NRDE2: variants seen among roughly 807,000 people sequenced by gnomAD.
NRDE2 encodes nuclear exosome regulator NRDE2.
In NRDE2, 76 loss-of-function variants were observed where a neutral mutation model predicts 124.2. The observed-to-expected ratio is 0.61, with a 90% CI of 0.51 to 0.74. The LOEUF is 0.74. Among genes scored for constraint, NRDE2 ranks in the 30% least tolerant of loss-of-function variants. NRDE2 has a pLI of 0.00. For missense variants in NRDE2, 1,314 were observed against 1,417.3 expected, an observed-to-expected ratio of 0.93 and a Z score of 1.17; for synonymous variants, 489 against 528.1, an observed-to-expected ratio of 0.93 and a Z score of 1.01.
chr14:90,298,513 A>G, intron 7 of NRDE2, 133 bp from the exon 8 acceptor site: 1 of 909,098 alleles, frequency 1.1e-6, no homozygotes, highest in Non-Finnish European at 1.7e-6. Flanking sequence ...TCTTTGAAGT[A>G]GATACATGCT....
At chr14:90,302,223 C>T (rs912846890) in intron 6 of NRDE2, among the ~76,000 whole-genome samples, 2 of 152,220 alleles carry the variant, frequency 1.3e-5, no homozygotes, top group Non-Finnish European at 2.9e-5. Context: ...GTGATACTCT[C>T]TGGCTCTGCA....
rs1460754634 is a variant in NRDE2, at chr14:90,273,015, C to T, written c.*5321G>A. 1 of 152,154 alleles carries T rather than the reference C, an allele frequency of 6.6e-6. No homozygotes were observed. Among genetic ancestry groups the T allele is most frequent in the Non-Finnish European group, 1.5e-5 (1 of 68,030 alleles). The allele number at this position is 152,154 out of a possible 1,614,324, so 9.4% of individuals were successfully genotyped here. A position where few individuals can be genotyped will look rare whatever the true frequency, so the allele number is the denominator to read the frequency against. On this transcript the variant is annotated 3_prime_UTR_variant, in exon 14 of 14. Coordinates refer to ENST00000354366, the MANE Select transcript of NRDE2 (RefSeq NM_017970.4). ...GATATCTTGAAAGCCCTTCTGAGCC[C>T]TTGGGCTCAGAAATCTCATCCCTTT...
rs766273350 is a variant in NRDE2 at position 90,304,203 on chromosome 14, G to A, written c.737C>T (p.Pro246Leu). Residue 246 changes from proline to leucine, a missense_variant, in exon 5 of 14, where the codon CCC becomes CTC. Coordinates refer to ENST00000354366, the MANE Select transcript of NRDE2 (RefSeq NM_017970.4). ...TATAAAGGAGATGGGCTCAGATGAG[G>A]GAGGTTCAGTTTTACTGCTAATGGC... ...GVAISSKTEP[P>L]SSEPISFIPV... 2 of 1,614,182 alleles carry A rather than the reference G, an allele frequency of 1.2e-6. No homozygotes were observed. The highest frequency in any genetic ancestry group is 1.7e-6 in the Non-Finnish European group (2 of 1,180,042).
rs1215774165 is a variant in NRDE2, at chr14:90,271,242, C to G, written c.*7094G>C. The G allele has an allele frequency of 6.6e-6, 1 of 152,220 alleles. No individual in the cohort carries two copies. The highest frequency in any genetic ancestry group is 1.9e-4 in the East Asian group (1 of 5,200). The allele number at this position is 152,220 out of a possible 1,614,324, so 9.4% of individuals were successfully genotyped here. On this transcript the variant is annotated 3_prime_UTR_variant, in exon 14 of 14. Transcript: ENST00000354366. ...CTGATGGCCATCACCAAACAAACTT[C>G]TGTGCCAGGATTGTGTTTTTTGCCA... is the stretch of plus-strand genomic sequence containing the variant.
chr14:90,318,032 T>C lies in NRDE2; in HGVS notation c.146A>G (p.His49Arg), dbSNP rs369516769. The C allele has an allele frequency of 1.2e-5, 20 of 1,613,906 alleles. No homozygotes were observed. Among genetic ancestry groups the C allele is most frequent in the East Asian group, 2.2e-5 (1 of 44,888 alleles). ...TGTCAGCGGTAACCCTTCAGAAACA[T>C]GGGCTGGAGCTGCTTCAGTTTGTTG... ...LSQQTEAAPA[H>R]VSEGLPLTRS... The change falls in exon 2 of 14, where the codon CAT (histidine) becomes CGT (arginine). Residue 49 changes from histidine (H) to arginine (R), a missense_variant. Transcript: ENST00000354366.
In NRDE2 at chr14:90,288,874, A is replaced by G. The variant is rs779897864; in HGVS notation, c.2501T>C (p.Leu834Pro). ...SLLYAELEVELSPEVRRAATA... is the reference protein window; with the variant it reads ...SLLYAELEVEPSPEVRRAATA... ...GGCAGCCCTTCTCACTTCTGGCGAC[A>G]GCTCCACCTCCAGCTCAGCATAGAG... is the stretch of plus-strand genomic sequence containing the variant. Residue 834 changes from leucine to proline, a missense_variant, in exon 11 of 14, where the codon CTG (leucine) becomes CCG (proline). Coordinates refer to ENST00000354366, the MANE Select transcript of NRDE2 (RefSeq NM_017970.4). 4.3e-6 allele frequency: 7 copies of G among 1,614,090 alleles called. No individual in the cohort carries two copies. In the African/African-American group the frequency reaches 9.3e-5, roughly 22 times the overall value.
intron 11 of NRDE2, 53 bp from the exon 12 acceptor site, chr14:90,286,545 A>G: frequency 6.3e-7 from 1 of 1,584,368 alleles, no homozygotes; most frequent in East Asian, 2.2e-5. Context: ...ATCCTACATC[A>G]CAGAAGGAAG....
chr14:90,302,772 G>A lies in NRDE2; in HGVS notation c.1359C>T (p.Asp453=), dbSNP rs571338345. The stretch of plus-strand genomic sequence containing the variant: ...ACGCAGGGTGAGATAAGATGCTGCC[G>A]TCCTTAACAGCAGACAAAGTGCTCA... ...KCLSTLSAVK[D]GSILSHPALP... Residue 453 remains aspartate, a synonymous_variant, in exon 6 of 14, where the codon GAC becomes GAT. Transcript: ENST00000354366. 21 of 1,613,986 alleles carry A rather than the reference G, an allele frequency of 1.3e-5. No individual in the cohort carries two copies. The highest frequency in any genetic ancestry group is 1.1e-4 in the East Asian group (5 of 44,880).
chr14:90,288,894 A>C lies in NRDE2; in HGVS notation c.2481T>G (p.Tyr827Ter). ...GCGACAGCTCCACCTCCAGCTCAGCATAGAGCAGACTGAGCTCACAGAGGT... is the reference window on the plus strand; with the variant it reads ...GCGACAGCTCCACCTCCAGCTCAGCCTAGAGCAGACTGAGCTCACAGAGGT... ...DSDLCELSLL[Y>*]AELEVELSPE... Residue 827 changes from tyrosine to a stop codon, truncating the protein, a stop_gained, in exon 11 of 14, where the codon TAT becomes TAG. Coordinates refer to ENST00000354366, the MANE Select transcript of NRDE2 (RefSeq NM_017970.4). LOFTEE classifies it high-confidence loss of function. The C allele has an allele frequency of 6.2e-7, 1 of 1,614,154 alleles. No homozygotes were observed.
At chr14:90,321,547 A>G (rs1308889154) in intron 1 of NRDE2, among the ~76,000 whole-genome samples, 6 of 145,620 alleles carry the variant, frequency 4.1e-5, no homozygotes, top group Non-Finnish European at 7.6e-5. Flanking sequence ...CCCCAGCTCT[A>G]TTAAAAAAAA....
At chr14:90,316,073 G>A (rs1349982300) in intron 3 of NRDE2, among the ~76,000 whole-genome samples, 1 of 151,952 alleles carries the variant, frequency 6.6e-6, no homozygotes, top group African/African-American at 2.4e-5. Context: ...TCGACATAGT[G>A]GTCTTAAACA....
In NRDE2 at chr14:90,282,395, G is replaced by A. The variant is rs12589230; in HGVS notation, c.3298-3262C>T. On this transcript the variant is annotated intron_variant, in intron 12 of 13. Transcript: ENST00000354366. ...GGAGGCTGACGTGAGAGGATTGCAT[G>A]AGCCCAGGAGGTTGAGGCTGCAGTG... Among the ~76,000 whole-genome samples the A allele has an allele frequency of 4.0e-4, 61 of 151,770 alleles. 1 individual carries two copies. The East Asian group carries it at 0.011, about 27-fold the overall frequency.
intron 1 of NRDE2, among the ~76,000 whole-genome samples, chr14:90,325,076 G>C (rs1001534307): frequency 6.6e-6 from 1 of 152,112 alleles, no homozygotes; most frequent in Non-Finnish European, 1.5e-5. Context: ...TGTTTGGAAG[G>C]ACTAAAGAAT....
In NRDE2 at chr14:90,288,477, C is replaced by A. The variant is rs367959037; in HGVS notation, c.2898G>T (p.Thr966=). 18 of 1,614,024 alleles carry A rather than the reference C, an allele frequency of 1.1e-5. No homozygotes were observed. Among genetic ancestry groups the A allele is most frequent in the Non-Finnish European group, 1.5e-5 (18 of 1,180,048 alleles). The change falls in exon 11 of 14, where the codon ACG becomes ACT. Residue 966 remains threonine, a synonymous_variant. Transcript: ENST00000354366. ...CTTTCATGTGGAATCTCAGCAGGCT[C>A]GTGTGCATCAGTGTGATGGCTTCGA... is the stretch of plus-strand genomic sequence containing the variant. ...SVLEAITLMH[T]SLLRFHMKVS... is the part of the protein sequence containing the mutation.
In NRDE2 at chr14:90,313,941, G is replaced by A. The variant is rs528741628; in HGVS notation, c.408-1398C>T. 7.9e-5 allele frequency among the ~76,000 whole-genome samples: 12 copies of A among 152,224 alleles called. No individual in the cohort carries two copies. In the South Asian group the frequency reaches 1.7e-3, roughly 21 times the overall value. ...GCTTCCTGTCTACAAAAACCATAAC[G>A]GGCAATGAAAAGATGGAGAGCCTAC... is the stretch of plus-strand genomic sequence containing the variant. On this transcript the variant is annotated intron_variant, in intron 3 of 13. Coordinates refer to ENST00000354366, the MANE Select transcript of NRDE2 (RefSeq NM_017970.4).
At chr14:90,315,839 C>A (rs1012145135) in intron 3 of NRDE2, among the ~76,000 whole-genome samples, 6 of 151,644 alleles carry the variant, frequency 4.0e-5, no homozygotes, top group African/African-American at 1.5e-4. Flanking sequence ...CGCCTGTAAT[C>A]CCAGCTACTC....
chr14:90,300,863 G>A (rs545052176), intron 7 of NRDE2, among the ~76,000 whole-genome samples: 8 of 87,134 alleles, frequency 9.2e-5, no homozygotes, highest in Non-Finnish European at 1.9e-4. Context: ...AAGGGGATGG[G>A]GGGGAGGAGG....
intron 9 of NRDE2, among the ~76,000 whole-genome samples, chr14:90,292,067 A>G (rs1038585318): frequency 6.6e-6 from 1 of 152,248 alleles, no homozygotes; most frequent in African/African-American, 2.4e-5. Flanking sequence ...AAACCTCCAG[A>G]GCTGCTGGCC....
chr14:90,286,515 A>T, intron 11 of NRDE2, 23 bp from the exon 12 acceptor site: 1 of 1,606,346 alleles, frequency 6.2e-7, no homozygotes, highest in Non-Finnish European at 8.5e-7. Context: ...GGCTCACGTG[A>T]CTCTGACACA....
Sources: gnomAD v4.1 joint callset for allele counts (sites outside exome capture counted in the v4.1 genomes callset) on GRCh38, gnomAD v4.1.1 for gene constraint, MANE v1.5 for transcripts, NCBI Gene and HGNC (gene_info 2026-07-23, HGNC 2026-07-21) for gene names.